The following KIAA0040 variants were observed in gnomAD, a reference collection of about 807,000 sequenced individuals.
KIAA0040 encodes the protein uncharacterized protein KIAA0040.
Under a neutral mutation model 7.2 loss-of-function variants are expected in KIAA0040, and 10 were observed. That is an observed-to-expected ratio of 1.38 (90% CI 0.85 to 2.34). The LOEUF (loss-of-function observed/expected upper bound fraction) is 2.34, where lower values mean the gene tolerates loss of function less well. Ranked by LOEUF, KIAA0040 falls within the 30% of genes most tolerant of loss-of-function variation. KIAA0040 has a pLI of 0.00. For synonymous variants in KIAA0040, 49 were observed against 40.1 expected, an observed-to-expected ratio of 1.22 and a Z score of -0.84; for missense variants, 89 against 108.2, an observed-to-expected ratio of 0.82 and a Z score of 0.79.
intron 2 of KIAA0040, among the ~76,000 whole-genome samples, chr1:175,167,160 T>C (rs982636377): frequency 3.3e-5 from 5 of 152,120 alleles, no homozygotes; most frequent in Non-Finnish European, 7.4e-5. Context: ...TGAGAGAAGA[T>C]CTGAATGACA....
intron 2 of KIAA0040, among the ~76,000 whole-genome samples, chr1:175,173,015 A>T (rs1677046544): frequency 6.6e-6 from 1 of 152,174 alleles, no homozygotes; most frequent in African/African-American, 2.4e-5. Context: ...TTTTCACTGA[A>T]TTGGTGTAGA....
chr1:175,181,886 G>A (rs910961964), intron 1 of KIAA0040, among the ~76,000 whole-genome samples: 1 of 152,178 alleles, frequency 6.6e-6, no homozygotes, highest in African/African-American at 2.4e-5. Flanking sequence ...AGTCAAAGTG[G>A]CCCGTGCTCC....
At chr1:175,175,653 T>G (rs1256312333) in intron 2 of KIAA0040, among the ~76,000 whole-genome samples, 1 of 152,156 alleles carries the variant, frequency 6.6e-6, no homozygotes, top group Non-Finnish European at 1.5e-5. Flanking sequence ...TAGACTAGAT[T>G]AAGAAAATGT....
Position 175,172,051 on chromosome 1 carries a change from G to A in KIAA0040, c.-309-5314C>T, listed in dbSNP as rs114589939. Among the ~76,000 whole-genome samples the A allele has an allele frequency of 9.0e-3, 1,369 of 152,184 alleles. 23 individuals are homozygous for A. The highest frequency in any genetic ancestry group is 0.031 in the African/African-American group (1,285 of 41,524). ...TTTGATTTTCTATTATGGAAGGTCT[G>A]GAATCTCCAGTTCCTTTATTCTTCT... On this transcript the variant is annotated intron_variant, in intron 2 of 3. Transcript: ENST00000423313.
chr1:175,175,046 G>C (rs959567302), intron 2 of KIAA0040, among the ~76,000 whole-genome samples: 1 of 152,138 alleles, frequency 6.6e-6, no homozygotes, highest in African/African-American at 2.4e-5. Flanking sequence ...AGTTAGGAGC[G>C]GTTGAGTGGG....
At chr1:175,162,522 T>G (rs971311099) in intron 3 of KIAA0040, among the ~76,000 whole-genome samples, 1 of 152,142 alleles carries the variant, frequency 6.6e-6, no homozygotes. Flanking sequence ...CACTTCATAC[T>G]TTTCTAATCA....
intron 2 of KIAA0040, among the ~76,000 whole-genome samples, chr1:175,168,418 CTA>C (rs1676857167): frequency 1.3e-5 from 2 of 152,096 alleles, no homozygotes; most frequent in African/African-American, 4.8e-5. Context: ...TGATGCATAA[CTA>C]GATATTCAGT....
chr1:175,183,040 C>T (rs539271928), intron 1 of KIAA0040, among the ~76,000 whole-genome samples: 13 of 152,322 alleles, frequency 8.5e-5, no homozygotes, highest in South Asian at 6.2e-4. Flanking sequence ...GTAAAACTGA[C>T]GCAAAGCGCC....
intron 3 of KIAA0040, among the ~76,000 whole-genome samples, chr1:175,164,192 G>C (rs557448350): frequency 1.2e-4 from 18 of 152,174 alleles, no homozygotes; most frequent in Admixed American, 2.0e-4. Flanking sequence ...TTCAGGAAAA[G>C]ATAACAAGAT....
Position 175,177,650 on chromosome 1 carries a change from G to A in KIAA0040, c.-349C>T, listed in dbSNP as rs956604113. 4.6e-5 allele frequency: 7 copies of A among 152,200 alleles called. No individual in the cohort carries two copies. The highest frequency in any genetic ancestry group is 7.3e-5 in the Non-Finnish European group (5 of 68,038). The allele number at this position is 152,200 out of a possible 1,614,324, so 9.4% of individuals were successfully genotyped here. On this transcript the variant is annotated 5_prime_UTR_variant, in exon 2 of 4. Transcript: ENST00000423313. ...TGGGAAGGTCACTCAGCTGCTTTGA[G>A]TCTCAGTTTCTTCATCTCCAAAATG...
intron 1 of KIAA0040, among the ~76,000 whole-genome samples, chr1:175,190,598 C>A (rs1677831029): frequency 1.3e-5 from 2 of 152,212 alleles, no homozygotes; most frequent in African/African-American, 4.8e-5. Flanking sequence ...TATAATCACT[C>A]TCTATTCACT....
chr1:175,187,257 T>A (rs1208901932), intron 1 of KIAA0040, among the ~76,000 whole-genome samples: 1 of 152,220 alleles, frequency 6.6e-6, no homozygotes, highest in Admixed American at 6.5e-5. Flanking sequence ...GAGCCTAGCA[T>A]GCACACTGAA....
chr1:175,188,515 A>G (rs902472816), intron 1 of KIAA0040, among the ~76,000 whole-genome samples: 4 of 152,058 alleles, frequency 2.6e-5, no homozygotes, highest in Non-Finnish European at 5.9e-5. Flanking sequence ...TTCACCTGGA[A>G]CCCTTCTCAC....
At chr1:175,192,207 C>T (rs1433786547) in intron 1 of KIAA0040, among the ~76,000 whole-genome samples, 2 of 152,214 alleles carry the variant, frequency 1.3e-5, no homozygotes, top group Non-Finnish European at 2.9e-5. Flanking sequence ...GCCATATTTT[C>T]GTTTTGGCTA....
intron 2 of KIAA0040, among the ~76,000 whole-genome samples, chr1:175,175,859 C>T (rs1677165564): frequency 6.6e-6 from 1 of 151,822 alleles, no homozygotes; most frequent in Admixed American, 6.6e-5. Flanking sequence ...GGGAACATCA[C>T]ACACTGGGGC....
intron 2 of KIAA0040, among the ~76,000 whole-genome samples, chr1:175,174,045 C>T (rs1307162164): frequency 6.7e-6 from 1 of 148,792 alleles, no homozygotes. Context: ...CACCCCAGTC[C>T]CCATCCTGCC....
chr1:175,172,776 C>T (rs1394665296), intron 2 of KIAA0040, among the ~76,000 whole-genome samples: 1 of 152,184 alleles, frequency 6.6e-6, no homozygotes, highest in Non-Finnish European at 1.5e-5. Context: ...AGTGGACTGG[C>T]AGTAAGTACT....
At chr1:175,192,811 G>A (rs1352139660), upstream of KIAA0040, 1 of 138,892 alleles carries the variant, frequency 7.2e-6, no homozygotes, top group African/African-American at 2.6e-5. Context: ...CAAGGTCGTG[G>A]GAGCCGCCCG....
intron 2 of KIAA0040, among the ~76,000 whole-genome samples, chr1:175,175,702 A>G (rs1465153248): frequency 6.6e-6 from 1 of 152,260 alleles, no homozygotes; most frequent in African/African-American, 2.4e-5. Flanking sequence ...AGCCATAAAA[A>G]AGGATGAGTT....
Sources: gnomAD v4.1 joint callset for allele counts (sites outside exome capture counted in the v4.1 genomes callset) on GRCh38, gnomAD v4.1.1 for gene constraint, MANE v1.5 for transcripts, NCBI Gene and HGNC (gene_info 2026-07-23, HGNC 2026-07-21) for gene names.